CNTNAP5: variants seen among roughly 807,000 people sequenced by gnomAD.
The protein encoded by CNTNAP5 is contactin-associated protein-like 5.
CNTNAP5 carries 72 observed loss-of-function variants against 150.2 expected under a neutral mutation model. That is an observed-to-expected ratio of 0.48 (90% CI 0.40 to 0.58). The LOEUF (loss-of-function observed/expected upper bound fraction) is 0.58. Ranked by LOEUF, CNTNAP5 falls within the 20% of genes least tolerant of loss-of-function variation. CNTNAP5 has a pLI of 0.00. For missense variants in CNTNAP5, 1,636 were observed against 1,626.2 expected (o/e 1.01, Z -0.10); for synonymous variants, 672 against 619.8 (o/e 1.08, Z -1.25).
chr2:124,473,501 C>T (rs1198800200), intron 6 of CNTNAP5, among the ~76,000 whole-genome samples: 1 of 151,940 alleles, frequency 6.6e-6, no homozygotes, highest in Non-Finnish European at 1.5e-5. Context: ...TTAAGAAACA[C>T]TTTTTTACTA....
intron 11 of CNTNAP5, among the ~76,000 whole-genome samples, chr2:124,592,546 A>C (rs964904663): frequency 6.6e-6 from 1 of 150,716 alleles, no homozygotes; most frequent in Non-Finnish European, 1.5e-5. Context: ...TATAGGAAAA[A>C]AAAATGCTAA....
intron 3 of CNTNAP5, among the ~76,000 whole-genome samples, chr2:124,321,456 A>AG (rs1478478440): frequency 6.8e-6 from 1 of 147,754 alleles, no homozygotes; most frequent in Non-Finnish European, 1.5e-5. Flanking sequence ...AAAAAAAAAA[A>AG]GAAAAAGAAA....
intron 13 of CNTNAP5, among the ~76,000 whole-genome samples, chr2:124,712,487 G>T (rs1273253062): frequency 6.6e-6 from 1 of 152,184 alleles, no homozygotes; most frequent in Admixed American, 6.5e-5. Flanking sequence ...CCTAACATGG[G>T]TTTTATTAGC....
At chr2:124,390,839 C>A (rs59234825) in intron 3 of CNTNAP5, among the ~76,000 whole-genome samples, 1 of 152,088 alleles carries the variant, frequency 6.6e-6, no homozygotes, top group African/African-American at 2.4e-5. Flanking sequence ...CCAGGCTCAA[C>A]AATATTTTTG....
chr2:124,503,419 C>A (rs1306683692), intron 7 of CNTNAP5, among the ~76,000 whole-genome samples: 4 of 152,192 alleles, frequency 2.6e-5, no homozygotes, highest in Non-Finnish European at 2.9e-5. Flanking sequence ...TTCAGGTAGC[C>A]ATTCAGGTTA....
chr2:124,368,742 T>TG (rs1690439825), intron 3 of CNTNAP5, among the ~76,000 whole-genome samples: 1 of 152,264 alleles, frequency 6.6e-6, no homozygotes, highest in African/African-American at 2.4e-5. Flanking sequence ...AACTTTGTGC[T>TG]GGGGGTGGGA....
chr2:124,134,979 G>T (rs757585283), intron 1 of CNTNAP5: 10 of 152,140 alleles, frequency 6.6e-5, no homozygotes, highest in Non-Finnish European at 1.2e-4. Flanking sequence ...AGATTGTTGG[G>T]AGAATTACAT....
At chr2:124,316,804 C>CAAAAAAAAA (rs56812690) in intron 3 of CNTNAP5, among the ~76,000 whole-genome samples, 3 of 54,782 alleles carry the variant, frequency 5.5e-5, no homozygotes, top group African/African-American at 6.8e-5. Context: ...GACTCCATCT[C>CAAAAAAAAA]AAAAAAAAAA....
At chr2:124,887,988 C>G (rs1488163363) in intron 21 of CNTNAP5, among the ~76,000 whole-genome samples, 1 of 151,966 alleles carries the variant, frequency 6.6e-6, no homozygotes, top group African/African-American at 2.4e-5. Context: ...ATTTTAGATA[C>G]AGAGGGTATA....
intron 12 of CNTNAP5, among the ~76,000 whole-genome samples, chr2:124,620,744 T>C (rs62171270): frequency 1.1e-3 from 74 of 69,436 alleles, no homozygotes; most frequent in Middle Eastern, 7.8e-3. Flanking sequence ...CACACACACA[T>C]GCACACACAC....
chr2:124,121,782 C>A lies in CNTNAP5; in HGVS notation c.82+96050C>A, dbSNP rs12617383. ...ACCTGAAGTTTCCCTACCACTGCAGCCCACATTGATCTTTCCCTTATATGA... is the reference window on the plus strand; with the variant it reads ...ACCTGAAGTTTCCCTACCACTGCAGACCACATTGATCTTTCCCTTATATGA... On this transcript the variant is annotated intron_variant, in intron 1 of 23. Coordinates refer to ENST00000682447, the MANE Select transcript of CNTNAP5 (RefSeq NM_001367498.1). Among the ~76,000 whole-genome samples the A allele has an allele frequency of 1.8e-4, 28 of 152,244 alleles. No homozygotes were observed. The East Asian group carries it at 5.2e-3, about 28-fold the overall frequency.
intron 1 of CNTNAP5, among the ~76,000 whole-genome samples, chr2:124,161,721 G>C (rs1447204390): frequency 6.6e-6 from 1 of 151,960 alleles, no homozygotes; most frequent in East Asian, 1.9e-4. Context: ...AAAAAGAAAA[G>C]GACAAAAACA....
intron 3 of CNTNAP5, among the ~76,000 whole-genome samples, chr2:124,291,513 G>T (rs2104634507): frequency 6.6e-6 from 1 of 151,648 alleles, no homozygotes; most frequent in Non-Finnish European, 1.5e-5. Context: ...CTGTACACCA[G>T]AGAGAGCCAC....
chr2:124,573,675 C>T (rs1696214842), intron 11 of CNTNAP5, among the ~76,000 whole-genome samples: 1 of 152,078 alleles, frequency 6.6e-6, no homozygotes, highest in Non-Finnish European at 1.5e-5. Context: ...AAATACAAAG[C>T]TCTAGTATGT....
intron 5 of CNTNAP5, among the ~76,000 whole-genome samples, chr2:124,440,819 G>T (rs1222703990): frequency 1.3e-5 from 2 of 151,664 alleles, no homozygotes; most frequent in Non-Finnish European, 2.9e-5. Context: ...TATTGTTTTT[G>T]TCCTTCACAA....
chr2:124,250,357 C>T (rs1313146893), intron 3 of CNTNAP5, among the ~76,000 whole-genome samples: 1 of 152,062 alleles, frequency 6.6e-6, no homozygotes, highest in East Asian at 1.9e-4. Flanking sequence ...ATGGACTGAA[C>T]CATACAAGGA....
intron 13 of CNTNAP5, among the ~76,000 whole-genome samples, chr2:124,743,276 A>T (rs1383234180): frequency 6.6e-6 from 1 of 152,190 alleles, no homozygotes; most frequent in Non-Finnish European, 1.5e-5. Flanking sequence ...ATCCATTAAG[A>T]GATACTAAGT....
In CNTNAP5 at chr2:124,835,365, C is replaced by T. The variant is rs527811610; in HGVS notation, c.3218-29941C>T. On this transcript the variant is annotated intron_variant, in intron 19 of 23. Transcript: ENST00000682447. Reference sequence around the variant, plus strand: ...CCCTGTGTAAATTCCTGGACCTGAACGACTAGATTTAAGTGTATAAAAAAA... The same window carrying T: ...CCCTGTGTAAATTCCTGGACCTGAATGACTAGATTTAAGTGTATAAAAAAA... Among the ~76,000 whole-genome samples the T allele has an allele frequency of 3.9e-5, 6 of 152,154 alleles. No individual in the cohort carries two copies. In the East Asian group the frequency reaches 7.7e-4, roughly 20 times the overall value.
intron 10 of CNTNAP5, among the ~76,000 whole-genome samples, chr2:124,532,070 G>T (rs2104895694): frequency 6.6e-6 from 1 of 152,232 alleles, no homozygotes; most frequent in African/African-American, 2.4e-5. Context: ...GTAGGGTGTG[G>T]GTTCTAGTGT....
Sources: gnomAD v4.1 joint callset for allele counts (sites outside exome capture counted in the v4.1 genomes callset) on GRCh38, gnomAD v4.1.1 for gene constraint, MANE v1.5 for transcripts, NCBI Gene and HGNC (gene_info 2026-07-23, HGNC 2026-07-21) for gene names.